TARBP1: variants seen among roughly 807,000 people sequenced by gnomAD.
TARBP1 encodes tRNA (guanosine(18)-2'-O)-methyltransferase TARBP1.
In TARBP1, 144 loss-of-function variants were observed where a neutral mutation model predicts 178.6. The observed-to-expected ratio is 0.81, with a 90% CI of 0.70 to 0.93. TARBP1 has a LOEUF of 0.93. Ranked by LOEUF, TARBP1 falls within the 40% of genes least tolerant of loss-of-function variation. TARBP1 has a pLI of 0.00. For missense variants in TARBP1, 2,067 were observed against 2,011.7 expected (o/e 1.03, Z -0.53); for synonymous variants, 787 against 781.0 (o/e 1.01, Z -0.13).
chr1:234,451,198 T>G (rs1246129879), intron 9 of TARBP1, among the ~76,000 whole-genome samples: 3 of 152,198 alleles, frequency 2.0e-5, no homozygotes, highest in Non-Finnish European at 2.9e-5. Flanking sequence ...GTCACATAAT[T>G]TCACAACTCA....
intron 21 of TARBP1, among the ~76,000 whole-genome samples, chr1:234,419,333 G>A (rs1025470959): frequency 6.6e-6 from 1 of 152,112 alleles, no homozygotes; most frequent in Admixed American, 6.5e-5. Flanking sequence ...TCATAAAGTG[G>A]AGCATACATT....
intron 19 of TARBP1, among the ~76,000 whole-genome samples, chr1:234,426,528 T>C (rs1663793633): frequency 6.6e-6 from 1 of 152,162 alleles, no homozygotes; most frequent in African/African-American, 2.4e-5. Context: ...AAGTGACAGA[T>C]GATTTACAAC....
rs1464833021 is a variant in TARBP1, at chr1:234,460,169, A to G, written c.1535+92T>C. 5.0e-6 allele frequency: 7 copies of G among 1,395,668 alleles called. No individual in the cohort carries two copies. In the African/African-American group the frequency reaches 8.7e-5, roughly 17 times the overall value. The allele number at this position is 1,395,668 out of a possible 1,614,324, so 86.5% of individuals were successfully genotyped here. On this transcript the variant is annotated intron_variant, in intron 7 of 29. Transcript: ENST00000040877. ...CCCAATCCCAATATTAACTATATCCATTTACTGTAGATTAAAGCAGAGGAG... is the reference window on the plus strand; with the variant it reads ...CCCAATCCCAATATTAACTATATCCGTTTACTGTAGATTAAAGCAGAGGAG...
chr1:234,449,382 A>AGAT (rs1666510935), intron 10 of TARBP1, among the ~76,000 whole-genome samples: 1 of 152,246 alleles, frequency 6.6e-6, no homozygotes, highest in Admixed American at 6.5e-5. Context: ...AAGCAAGAGT[A>AGAT]GATGCAAGGT....
At chr1:234,438,161 G>C (rs905391007) in intron 12 of TARBP1, among the ~76,000 whole-genome samples, 3 of 152,144 alleles carry the variant, frequency 2.0e-5, no homozygotes, top group African/African-American at 7.2e-5. Flanking sequence ...CTGTGTACTG[G>C]ACAACAGTAT....
At chr1:234,425,630 T>C (rs1191418692) in intron 20 of TARBP1, 43 bp downstream of exon 20, 1 of 1,584,000 alleles carries the variant, frequency 6.3e-7, no homozygotes, top group Non-Finnish European at 8.6e-7. Flanking sequence ...TGTTGACCTC[T>C]GACTGTTAAA....
rs781263916 is a variant in TARBP1, at chr1:234,471,205, G to A, written c.1082C>T (p.Ala361Val). 1.7e-5 allele frequency: 27 copies of A among 1,597,644 alleles called. No homozygotes were observed. The highest frequency in any genetic ancestry group is 6.9e-5 in the South Asian group (6 of 87,140). The change falls in exon 3 of 30, where the codon GCG becomes GTG. Residue 361 changes from alanine to valine, a missense_variant. Physicochemically the swap from Ala to Val is moderately conservative, Grantham distance 64 (BLOSUM62 0). Transcript: ENST00000040877. The part of the protein sequence containing the change: ...LPKLNNLFEY[A>V]VSEENGCWLF... ...ATCGTTACCATTTTCCTCTGACACCGCATATTCAAACAGATTGTTTAGCTT... is the reference window on the plus strand; with the variant it reads ...ATCGTTACCATTTTCCTCTGACACCACATATTCAAACAGATTGTTTAGCTT...
intron 18 of TARBP1, 30 bp from the exon 19 acceptor site, chr1:234,427,418 A>C: frequency 6.4e-7 from 1 of 1,567,580 alleles, no homozygotes; most frequent in Non-Finnish European, 8.7e-7. Flanking sequence ...GATAAAGAAC[A>C]ACAGGTTTTA....
intron 20 of TARBP1, among the ~76,000 whole-genome samples, chr1:234,424,848 G>A (rs1220188346): frequency 6.6e-6 from 1 of 152,122 alleles, no homozygotes; most frequent in Non-Finnish European, 1.5e-5. Flanking sequence ...GATTACCTGA[G>A]GTCGGGAGTT....
intron 1 of TARBP1, among the ~76,000 whole-genome samples, chr1:234,474,573 C>T (rs950358972): frequency 6.6e-6 from 1 of 152,136 alleles, no homozygotes; most frequent in Admixed American, 6.5e-5. Context: ...CTACACACTT[C>T]CATAGAGAGA....
chr1:234,464,720 G>C (rs113360683), intron 5 of TARBP1, among the ~76,000 whole-genome samples: 20 of 152,168 alleles, frequency 1.3e-4, no homozygotes, highest in African/African-American at 4.6e-4. Flanking sequence ...TTGGCTGGTG[G>C]GGGGAGGTAG....
In TARBP1 at chr1:234,391,498, T is replaced by G; in HGVS notation, c.*79A>C. On this transcript the variant is annotated 3_prime_UTR_variant, in exon 30 of 30. Transcript: ENST00000040877. ...GAAATACAAATTATCACAATAAATT[T>G]CAGAATCTGTTTCTTTAGTCCAAAT... 7.1e-7 allele frequency: 1 copy of G among 1,405,444 alleles called. No homozygotes were observed. The highest frequency in any genetic ancestry group is 2.4e-5 in the East Asian group (1 of 41,542). 87.1% of individuals were successfully genotyped at this position (1,405,444 alleles called of 1,614,324 possible). A position where few individuals can be genotyped will look rare whatever the true frequency, so the allele number is the denominator to read the frequency against.
At chr1:234,395,909 A>G (rs1427159046) in intron 26 of TARBP1, among the ~76,000 whole-genome samples, 2 of 152,190 alleles carry the variant, frequency 1.3e-5, no homozygotes, top group Admixed American at 6.5e-5. Context: ...AAATAGCTAG[A>G]AGAGAGGATT....
At chr1:234,401,125 G>A (rs1161742507) in intron 25 of TARBP1, 56 bp downstream of exon 25, 2 of 1,412,826 alleles carry the variant, frequency 1.4e-6, no homozygotes, top group African/African-American at 1.4e-5. Flanking sequence ...AAGCAGAAAG[G>A]AAGCATCAGG....
chr1:234,439,657 T>C (rs771939808), intron 12 of TARBP1, among the ~76,000 whole-genome samples: 8 of 152,064 alleles, frequency 5.3e-5, no homozygotes, highest in Non-Finnish European at 1.2e-4. Flanking sequence ...GAAACCTCAT[T>C]TCTACTAAAA....
intron 22 of TARBP1, among the ~76,000 whole-genome samples, chr1:234,414,829 C>T (rs1252250067): frequency 6.6e-6 from 1 of 151,950 alleles, no homozygotes; most frequent in Non-Finnish European, 1.5e-5. Context: ...ACTAAAAATA[C>T]AAAAATTAGC....
At chr1:234,471,085 C>G in intron 3 of TARBP1, 103 bp downstream of exon 3, 1 of 855,848 alleles carries the variant, frequency 1.2e-6, no homozygotes. Flanking sequence ...CTTCTGTACA[C>G]TTTTATAGTT....
intron 9 of TARBP1, among the ~76,000 whole-genome samples, chr1:234,457,410 G>C (rs1667395598): frequency 6.6e-6 from 1 of 152,162 alleles, no homozygotes; most frequent in African/African-American, 2.4e-5. Context: ...CCAGAGTTGA[G>C]ATCTGCCCAC....
At chr1:234,404,886 C>A (rs1661054159) in intron 24 of TARBP1, among the ~76,000 whole-genome samples, 1 of 152,168 alleles carries the variant, frequency 6.6e-6, no homozygotes, top group Non-Finnish European at 1.5e-5. Context: ...ACCTCCCTTA[C>A]CCACTTAATG....
Sources: gnomAD v4.1 joint callset for allele counts (sites outside exome capture counted in the v4.1 genomes callset) on GRCh38, gnomAD v4.1.1 for gene constraint, MANE v1.5 for transcripts, NCBI Gene and HGNC (gene_info 2026-07-23, HGNC 2026-07-21) for gene names.